CCDC102B: variants seen among roughly 807,000 people sequenced by gnomAD.
The protein encoded by CCDC102B is coiled-coil domain-containing protein 102B.
In CCDC102B, 75 loss-of-function variants were observed where a neutral mutation model predicts 57.4. That is an observed-to-expected ratio of 1.31 (90% CI 1.08 to 1.58). The LOEUF (loss-of-function observed/expected upper bound fraction) is 1.58. CCDC102B is among the 40% of genes most tolerant of loss of function. CCDC102B has a pLI of 0.00. For synonymous variants in CCDC102B, 206 were observed against 201.9 expected (o/e 1.02, Z -0.17); for missense variants, 636 against 582.6 (o/e 1.09, Z -0.94).
Position 68,920,446 on chromosome 18 carries a change from G to A in CCDC102B, c.1263+23018G>A, listed in dbSNP as rs113814573. ...ATTAGGTCCACTTTTAGGTACTGTG[G>A]TGTATTAGTCCATTTTCACACTGCT... On this transcript the variant is annotated intron_variant, in intron 6 of 7. Coordinates refer to ENST00000360242, the MANE Select transcript of CCDC102B (RefSeq NM_024781.3). Among the ~76,000 whole-genome samples, 444 of 152,178 alleles carry A rather than the reference G, an allele frequency of 2.9e-3. 2 individuals carry two copies. Among genetic ancestry groups the A allele is most frequent in the Non-Finnish European group, 4.9e-3 (333 of 68,010 alleles).
intron 5 of CCDC102B, among the ~76,000 whole-genome samples, chr18:68,879,550 TAC>T (rs930845652): frequency 6.6e-6 from 1 of 151,696 alleles, no homozygotes; most frequent in African/African-American, 2.4e-5. Flanking sequence ...ATTAGCTAGA[TAC>T]AGAGTGTCAA....
chr18:68,778,894 A>AAC (rs2034911913), intron 2 of CCDC102B, among the ~76,000 whole-genome samples: 1 of 151,580 alleles, frequency 6.6e-6, no homozygotes, highest in Non-Finnish European at 1.5e-5. Context: ...AAAAAAAAAA[A>AAC]AACTGTGAAA....
intron 7 of CCDC102B, among the ~76,000 whole-genome samples, chr18:69,038,245 G>GTTCCATTTTAATGTCTGCAGACTA (rs1381983477): frequency 6.6e-6 from 1 of 151,854 alleles, no homozygotes; most frequent in African/African-American, 2.4e-5. Context: ...TCTGCAGAAT[G>GTTCCATTTTAATGTCTGCAGACTA]TTCCATTTTA....
intron 2 of CCDC102B, among the ~76,000 whole-genome samples, chr18:68,764,961 C>T (rs1473667759): frequency 6.6e-6 from 1 of 151,408 alleles, no homozygotes; most frequent in Non-Finnish European, 1.5e-5. Context: ...GTAGGAGGAT[C>T]ACCTGAGTCC....
chr18:68,799,641 C>T (rs2035773067), intron 1 of CCDC102B, among the ~76,000 whole-genome samples: 1 of 152,090 alleles, frequency 6.6e-6, no homozygotes, highest in Admixed American at 6.6e-5. Flanking sequence ...AAAGAGATGC[C>T]AGAGGCTTTA....
At chr18:68,858,228 C>T (rs1462493683) in intron 4 of CCDC102B, among the ~76,000 whole-genome samples, 2 of 152,150 alleles carry the variant, frequency 1.3e-5, no homozygotes, top group Admixed American at 6.5e-5. Context: ...ACAGTGTTTA[C>T]TTTTTTCTTC....
chr18:68,763,020 G>T (rs2034305725), intron 2 of CCDC102B, among the ~76,000 whole-genome samples: 1 of 151,814 alleles, frequency 6.6e-6, no homozygotes, highest in Non-Finnish European at 1.5e-5. Flanking sequence ...CTATCTTCTT[G>T]ATTTATATAG....
chr18:68,727,160 A>C (rs2032634640), intron 2 of CCDC102B, among the ~76,000 whole-genome samples: 1 of 152,222 alleles, frequency 6.6e-6, no homozygotes, highest in African/African-American at 2.4e-5. Context: ...CAGAGCCTGT[A>C]GTTGAAGCTG....
At chr18:68,862,211 G>A (rs2038791568) in intron 4 of CCDC102B, among the ~76,000 whole-genome samples, 1 of 152,090 alleles carries the variant, frequency 6.6e-6, no homozygotes, top group South Asian at 2.1e-4. Flanking sequence ...TATTGACCAT[G>A]TGATATCCTT....
intron 6 of CCDC102B, among the ~76,000 whole-genome samples, chr18:68,917,453 C>T (rs1472401144): frequency 1.3e-5 from 2 of 152,162 alleles, no homozygotes; most frequent in African/African-American, 2.4e-5. Flanking sequence ...AAGCTGCTAA[C>T]TCTTCCTCCG....
rs146158286 is a variant in CCDC102B, at chr18:68,989,916, T to C, written c.1264-21018T>C. Among the ~76,000 whole-genome samples, 562 of 152,314 alleles carry C rather than the reference T, an allele frequency of 3.7e-3. 7 individuals are homozygous for C. Among genetic ancestry groups the C allele is most frequent in the African/African-American group, 0.013 (544 of 41,570 alleles). ...GTCCCTTCCATACAGAATTCTTCTG[T>C]TGATAGCACTTCATCCATCCAGTTG... On this transcript the variant is annotated intron_variant, in intron 6 of 7. Coordinates refer to ENST00000360242, the MANE Select transcript of CCDC102B (RefSeq NM_024781.3).
chr18:68,921,879 A>G (rs1284566498), intron 6 of CCDC102B, among the ~76,000 whole-genome samples: 2 of 152,172 alleles, frequency 1.3e-5, no homozygotes, highest in Non-Finnish European at 2.9e-5. Context: ...ATAAATTTGT[A>G]TTGTTTAAAC....
intron 6 of CCDC102B, among the ~76,000 whole-genome samples, chr18:68,936,748 T>C (rs1020000362): frequency 3.0e-4 from 12 of 39,832 alleles, no homozygotes; most frequent in African/African-American, 4.3e-4. Flanking sequence ...ACAACTTTCA[T>C]ATATATATAT....
At chr18:68,854,777 T>C (rs2038307658) in intron 4 of CCDC102B, among the ~76,000 whole-genome samples, 1 of 152,180 alleles carries the variant, frequency 6.6e-6, no homozygotes, top group African/African-American at 2.4e-5. Context: ...ACAGGCTTAA[T>C]GGGAGTAGAT....
intron 2 of CCDC102B, among the ~76,000 whole-genome samples, chr18:68,730,205 A>G (rs1185746612): frequency 6.6e-6 from 1 of 152,158 alleles, no homozygotes; most frequent in Admixed American, 6.5e-5. Flanking sequence ...TTCCATTATT[A>G]CGTACTTCAG....
intron 6 of CCDC102B, among the ~76,000 whole-genome samples, chr18:68,979,939 A>G (rs1444730529): frequency 6.6e-6 from 1 of 152,064 alleles, no homozygotes; most frequent in Admixed American, 6.6e-5. Context: ...CTTGGAAGGC[A>G]GAAGTGACTC....
Position 68,775,932 on chromosome 18 carries a change from G to A in CCDC102B, c.-66-47434G>A, listed in dbSNP as rs367741514. 9.2e-5 allele frequency among the ~76,000 whole-genome samples: 14 copies of A among 152,276 alleles called. No homozygotes were observed. In the South Asian group the frequency reaches 1.9e-3, roughly 20 times the overall value. On this transcript the variant is annotated intron_variant, in intron 2 of 3. Transcript: ENST00000578970. ...CTCCCCAAGTGCTGGGATTACAGGC[G>A]TGAGCCACAAAGCCCGGCCCCTGGA...
intron 7 of CCDC102B, among the ~76,000 whole-genome samples, chr18:69,024,043 G>T (rs950120246): frequency 3.3e-5 from 5 of 151,584 alleles, no homozygotes; most frequent in Admixed American, 1.3e-4. Flanking sequence ...ATTTTATTGT[G>T]TTTAGAGAAG....
At chr18:68,952,629 A>C (rs1198939191) in intron 6 of CCDC102B, among the ~76,000 whole-genome samples, 3 of 152,146 alleles carry the variant, frequency 2.0e-5, no homozygotes, top group Non-Finnish European at 2.9e-5. Context: ...GAAAAGCTGT[A>C]TAAAAGTTTG....
Sources: allele counts gnomAD v4.1 joint callset (sites outside exome capture counted in the v4.1 genomes callset), GRCh38; gene constraint gnomAD v4.1.1; transcripts MANE v1.5; gene names NCBI Gene and HGNC (gene_info 2026-07-23, HGNC 2026-07-21).